Variants in HCN1 observed in about 807,000 individuals in gnomAD.
HCN1 encodes potassium/sodium hyperpolarization-activated cyclic nucleotide-gated channel 1.
HCN1 carries 13 observed loss-of-function variants against 78.9 expected under a neutral mutation model. That is an observed-to-expected ratio of 0.16 (90% CI 0.11 to 0.26). The LOEUF is 0.26. Among genes scored for constraint, HCN1 ranks in the 10% least tolerant of loss-of-function variants. The pLI is 1.00. For missense variants in HCN1, 810 were observed against 1,154.3 expected (o/e 0.70, Z 4.32); for synonymous variants, 552 against 455.5 (o/e 1.21, Z -2.70).
intron 5 of HCN1, among the ~76,000 whole-genome samples, chr5:45,311,889 G>GT (rs1295851579): frequency 6.6e-6 from 1 of 152,190 alleles, no homozygotes; most frequent in African/African-American, 2.4e-5. Context: ...ATTTCTAGCT[G>GT]TGGGCTAAAC....
At chr5:45,645,120 T>C (rs1745524423) in intron 2 of HCN1, 65 bp downstream of exon 2, 8 of 1,232,176 alleles carry the variant, frequency 6.5e-6, no homozygotes, top group South Asian at 1.3e-5. Flanking sequence ...CAGTTGTTCA[T>C]TGTAAAACAG....
At chr5:45,345,212 C>A (rs1746675809) in intron 5 of HCN1, among the ~76,000 whole-genome samples, 2 of 152,166 alleles carry the variant, frequency 1.3e-5, no homozygotes, top group Admixed American at 6.5e-5. Flanking sequence ...ATGCAGGGCA[C>A]CAAGTCCCTA....
At chr5:45,438,669 C>A (rs183105442) in intron 3 of HCN1, among the ~76,000 whole-genome samples, 1 of 151,826 alleles carries the variant, frequency 6.6e-6, no homozygotes, top group African/African-American at 2.4e-5. Flanking sequence ...AGTTAAATTG[C>A]AGCTCTACTA....
chr5:45,281,754 C>A (rs1745173996), intron 6 of HCN1, among the ~76,000 whole-genome samples: 2 of 151,122 alleles, frequency 1.3e-5, no homozygotes, highest in South Asian at 4.2e-4. Flanking sequence ...CGCCCGGGGG[C>A]TAATTTTTTT....
chr5:45,260,442 A>G lies in HCN1; in HGVS notation c.*1479T>C, dbSNP rs1469843304. ...GACAGACAATGCTCATAGACGTTCA[A>G]CTTTACCCCTGCTTTCTGTCACCAT... is the stretch of plus-strand genomic sequence containing the variant. On this transcript the variant is annotated 3_prime_UTR_variant, in exon 8 of 8. Coordinates refer to ENST00000303230, the MANE Select transcript of HCN1 (RefSeq NM_021072.4). The G allele has an allele frequency of 6.6e-6, 1 of 152,330 alleles. No individual in the cohort carries two copies. Among genetic ancestry groups the G allele is most frequent in the Non-Finnish European group, 1.5e-5 (1 of 68,032 alleles). 9.4% of individuals were successfully genotyped at this position (152,330 alleles called of 1,614,324 possible).
chr5:45,567,398 G>C (rs1743729455), intron 2 of HCN1, among the ~76,000 whole-genome samples: 1 of 151,984 alleles, frequency 6.6e-6, no homozygotes, highest in African/African-American at 2.4e-5. Context: ...AATGCAGTGA[G>C]GAATATCCAT....
intron 2 of HCN1, among the ~76,000 whole-genome samples, chr5:45,582,076 C>A (rs11960278): frequency 1.2e-3 from 176 of 152,124 alleles, no homozygotes; most frequent in African/African-American, 1.8e-3. Context: ...TGGTAGCTTG[C>A]TGGGGATGGC....
chr5:45,342,961 T>G (rs973603634), intron 5 of HCN1, among the ~76,000 whole-genome samples: 3 of 152,136 alleles, frequency 2.0e-5, no homozygotes, highest in Non-Finnish European at 4.4e-5. Context: ...TATTACGGAC[T>G]AAGTACACTG....
chr5:45,543,886 T>C (rs951494902), intron 2 of HCN1, among the ~76,000 whole-genome samples: 7 of 152,120 alleles, frequency 4.6e-5, no homozygotes, highest in African/African-American at 1.4e-4. Context: ...TTCTTAGATA[T>C]TATTTTTATT....
chr5:45,263,781 A>AT lies in HCN1; in HGVS notation c.1784-972dup, dbSNP rs570304622. ...ATTCTTTTTTTAAAATTTATTATTT[A>AT]TTTATTTTATTTTATTTATTTATTT... On this transcript the variant is annotated intron_variant, in intron 7 of 7. Transcript: ENST00000303230. Among the ~76,000 whole-genome samples, 532 of 151,776 alleles carry AT rather than the reference A, an allele frequency of 3.5e-3. 2 individuals carry two copies. Among genetic ancestry groups the AT allele is most frequent in the African/African-American group, 0.012 (504 of 41,490 alleles).
chr5:45,650,775 AG>A (rs1440959653), intron 1 of HCN1, among the ~76,000 whole-genome samples: 1 of 151,996 alleles, frequency 6.6e-6, no homozygotes, highest in African/African-American at 2.4e-5. Context: ...TTTCAAATTC[AG>A]TCATACTTTT....
chr5:45,634,203 C>A (rs940658743), intron 2 of HCN1, among the ~76,000 whole-genome samples: 1 of 151,916 alleles, frequency 6.6e-6, no homozygotes, highest in African/African-American at 2.4e-5. Context: ...AACATTCTCT[C>A]CCTCAGATTG....
chr5:45,379,739 A>G (rs950052902), intron 4 of HCN1, among the ~76,000 whole-genome samples: 2 of 152,116 alleles, frequency 1.3e-5, no homozygotes, highest in African/African-American at 4.8e-5. Flanking sequence ...GGATAGTGCT[A>G]TAAAACACAA....
intron 2 of HCN1, among the ~76,000 whole-genome samples, chr5:45,526,372 T>A (rs951589260): frequency 1.3e-5 from 2 of 152,032 alleles, no homozygotes; most frequent in African/African-American, 4.8e-5. Flanking sequence ...CAACAGTGAG[T>A]GGCCACTGTT....
chr5:45,265,400 A>G (rs1435927688), intron 7 of HCN1, among the ~76,000 whole-genome samples: 1 of 152,186 alleles, frequency 6.6e-6, no homozygotes, highest in African/African-American at 2.4e-5. Context: ...CCAATTAAGT[A>G]AGGATGCCTT....
intron 6 of HCN1, among the ~76,000 whole-genome samples, chr5:45,290,040 G>T (rs559886693): frequency 4.1e-4 from 63 of 151,974 alleles, no homozygotes; most frequent in Non-Finnish European, 8.4e-4. Flanking sequence ...GACCTGGTGG[G>T]AGAAATCATG....
In HCN1 at chr5:45,695,650, G is replaced by C. The variant is rs373311995; in HGVS notation, c.425+19C>G. The C allele has an allele frequency of 1.2e-6, 2 of 1,608,626 alleles. No homozygotes were observed. The highest frequency in any genetic ancestry group is 2.7e-5 in the African/African-American group (2 of 74,660). ...GGCGCGCCTGAAGGGAGGGTGGGGC[G>C]GCGACCGGGAGCCCTCACCTGAAAT... On this transcript the variant is annotated intron_variant, in intron 1 of 7. Transcript: ENST00000303230.
At chr5:45,651,915 G>T (rs922122678) in intron 1 of HCN1, among the ~76,000 whole-genome samples, 25 of 152,002 alleles carry the variant, frequency 1.6e-4, no homozygotes, top group African/African-American at 5.8e-4. Context: ...TCTTAAAATA[G>T]TAAACCCTTG....
At chr5:45,321,308 A>G (rs1223489891) in intron 5 of HCN1, among the ~76,000 whole-genome samples, 3 of 151,872 alleles carry the variant, frequency 2.0e-5, no homozygotes, top group Non-Finnish European at 2.9e-5. Flanking sequence ...TCCTGGGGGA[A>G]AAACAACGTA....
Sources: gnomAD v4.1 joint callset for allele counts (sites outside exome capture counted in the v4.1 genomes callset) on GRCh38, gnomAD v4.1.1 for gene constraint, MANE v1.5 for transcripts, NCBI Gene and HGNC (gene_info 2026-07-23, HGNC 2026-07-21) for gene names.